The following LOC128462377 variants were observed in gnomAD, a reference collection of about 807,000 sequenced individuals.
the LOC128462377 span, among the ~76,000 whole-genome samples, chr16:89,333,574 A>C: frequency 0.048 from 7,347 of 152,164 alleles, 274 homozygotes; most frequent in East Asian, 0.19. Context: ...TGCTGTCTGC[A>C]CAGTTTTGCC....
the LOC128462377 span, among the ~76,000 whole-genome samples, chr16:89,406,966 C>G: frequency 6.6e-6 from 1 of 152,134 alleles, no homozygotes; most frequent in Admixed American, 6.5e-5. Flanking sequence ...GAGCAGATCA[C>G]TTGAGGTCAG....
At chr16:89,389,895 G>A in the LOC128462377 span, among the ~76,000 whole-genome samples, 5 of 124,864 alleles carry the variant, frequency 4.0e-5, no homozygotes, top group African/African-American at 9.6e-5. Context: ...AGTGTGGCGG[G>A]GAGCACCGAG....
At chr16:89,330,996 C>CA in the LOC128462377 span, among the ~76,000 whole-genome samples, 1 of 152,222 alleles carries the variant, frequency 6.6e-6, no homozygotes, top group Non-Finnish European at 1.5e-5. Context: ...CTTTGTCGCC[C>CA]AGGCTGGAGT....
chr16:89,343,026 A>C, the LOC128462377 span, among the ~76,000 whole-genome samples: 4 of 152,198 alleles, frequency 2.6e-5, no homozygotes, highest in Non-Finnish European at 4.4e-5. Context: ...AGCGCTTTTT[A>C]AATTTTTATT....
chr16:89,402,391 A>G, the LOC128462377 span, among the ~76,000 whole-genome samples: 1 of 152,272 alleles, frequency 6.6e-6, no homozygotes, highest in African/African-American at 2.4e-5. Context: ...ATCGGTAGGC[A>G]CATCAATTTA....
the LOC128462377 span, among the ~76,000 whole-genome samples, chr16:89,413,574 G>T: frequency 3.3e-5 from 5 of 152,124 alleles, no homozygotes; most frequent in African/African-American, 7.2e-5. Context: ...GCAGTGAGCC[G>T]AGGTCGCACC....
chr16:89,355,038 C>T, the LOC128462377 span, among the ~76,000 whole-genome samples: 6 of 152,290 alleles, frequency 3.9e-5, no homozygotes, highest in African/African-American at 9.6e-5. Context: ...AGGAAGGAAA[C>T]GCCAGAACAA....
chr16:89,340,295 T>C, the LOC128462377 span, among the ~76,000 whole-genome samples: 3 of 152,286 alleles, frequency 2.0e-5, no homozygotes, highest in African/African-American at 7.2e-5. Context: ...TTGTTGTTTT[T>C]GAGACGGAGT....
chr16:89,415,068 C>T, the LOC128462377 span, among the ~76,000 whole-genome samples: 4 of 152,022 alleles, frequency 2.6e-5, no homozygotes, highest in South Asian at 8.3e-4. Flanking sequence ...CCCCGCTCAG[C>T]CTCCCCAAGT....
chr16:89,409,829 A>AATTTATTTATTTATTTATTT, the LOC128462377 span, among the ~76,000 whole-genome samples: 1,321 of 151,486 alleles, frequency 8.7e-3, 15 homozygotes, highest in African/African-American at 0.031. Context: ...TTTCAATCTA[A>AATTTATTTATTTATTTATTT]ATTTATTTAT....
the LOC128462377 span, among the ~76,000 whole-genome samples, chr16:89,411,280 A>G: frequency 6.6e-6 from 1 of 152,060 alleles, no homozygotes; most frequent in Admixed American, 6.5e-5. Context: ...TCAAACTTGC[A>G]GCCCTGTGCC....
At chr16:89,338,983 C>T in the LOC128462377 span, among the ~76,000 whole-genome samples, 2 of 152,114 alleles carry the variant, frequency 1.3e-5, no homozygotes, top group African/African-American at 2.4e-5. Flanking sequence ...TCAAAGTCAC[C>T]ACCGAGGGCC....
the LOC128462377 span, among the ~76,000 whole-genome samples, chr16:89,337,906 T>C: frequency 6.6e-5 from 10 of 152,302 alleles, no homozygotes; most frequent in Non-Finnish European, 1.2e-4. Flanking sequence ...TCCCCCTCTA[T>C]TGGGACCACA....
the LOC128462377 span, among the ~76,000 whole-genome samples, chr16:89,374,840 G>A: frequency 6.6e-6 from 1 of 152,070 alleles, no homozygotes; most frequent in Non-Finnish European, 1.5e-5. Context: ...GTCACCCATC[G>A]ATTTGTTTTC....
chr16:89,392,018 TCCTC>T, the LOC128462377 span, among the ~76,000 whole-genome samples: 7 of 152,302 alleles, frequency 4.6e-5, no homozygotes, highest in Admixed American at 2.0e-4. Flanking sequence ...ACAAATTACT[TCCTC>T]CTTCCTTTGT....
At chr16:89,364,149 G>A in the LOC128462377 span, among the ~76,000 whole-genome samples, 1 of 152,200 alleles carries the variant, frequency 6.6e-6, no homozygotes, top group Admixed American at 6.5e-5. Flanking sequence ...CAGCCCTGGA[G>A]CCTGGGTGTA....
the LOC128462377 span, among the ~76,000 whole-genome samples, chr16:89,409,479 T>C: frequency 6.6e-6 from 1 of 152,152 alleles, no homozygotes. Flanking sequence ...CATAAAAACA[T>C]ACAGGTGTGA....
At chr16:89,375,443 C>A in the LOC128462377 span, among the ~76,000 whole-genome samples, 1 of 144,548 alleles carries the variant, frequency 6.9e-6, no homozygotes, top group Non-Finnish European at 1.5e-5. Context: ...CCCGCCCAGG[C>A]AACACAGCAA....
chr16:89,407,106 T>G, the LOC128462377 span, among the ~76,000 whole-genome samples: 1 of 151,450 alleles, frequency 6.6e-6, no homozygotes, highest in Non-Finnish European at 1.5e-5. Flanking sequence ...GAAGCCCAGG[T>G]ACTCGGGAGG....
Sources: gnomAD v4.1 joint callset for allele counts (sites outside exome capture counted in the v4.1 genomes callset) on GRCh38, gnomAD v4.1.1 for gene constraint, MANE v1.5 for transcripts.